CENPP: variants seen among roughly 807,000 people sequenced by gnomAD.
The protein encoded by CENPP is centromere protein P.
In CENPP, 24 loss-of-function variants were observed where a neutral mutation model predicts 35.6. The ratio of observed to expected loss-of-function variants is 0.67; its 90% CI spans 0.49 to 0.95. CENPP has a LOEUF of 0.95. CENPP is among the 40% of genes least tolerant of loss of function. CENPP has a pLI of 0.00. For synonymous variants in CENPP, 120 were observed against 125.5 expected, an observed-to-expected ratio of 0.96 and a Z score of 0.29; for missense variants, 332 against 345.3, an observed-to-expected ratio of 0.96 and a Z score of 0.31.
intron 5 of CENPP, among the ~76,000 whole-genome samples, chr9:92,447,401 C>T (rs1327659440): frequency 6.6e-6 from 1 of 151,880 alleles, no homozygotes; most frequent in Non-Finnish European, 1.5e-5. Flanking sequence ...AGTTAGATCC[C>T]TCACATGTGT....
intron 5 of CENPP, among the ~76,000 whole-genome samples, chr9:92,567,920 G>A (rs933263804): frequency 6.6e-6 from 1 of 151,938 alleles, no homozygotes; most frequent in Admixed American, 6.6e-5. Flanking sequence ...AAAGGAAAAG[G>A]TAATACAGGA....
chr9:92,598,335 G>A (rs577437267), intron 5 of CENPP, among the ~76,000 whole-genome samples: 1 of 152,338 alleles, frequency 6.6e-6, no homozygotes, highest in South Asian at 2.1e-4. Flanking sequence ...CACAACCCCA[G>A]CACAGTAGTC....
intron 5 of CENPP, among the ~76,000 whole-genome samples, chr9:92,393,402 G>T (rs1016512126): frequency 2.6e-5 from 4 of 152,132 alleles, no homozygotes; most frequent in Non-Finnish European, 4.4e-5. Context: ...TACCTATATT[G>T]TGCTTGATAA....
intron 5 of CENPP, among the ~76,000 whole-genome samples, chr9:92,420,136 A>G (rs1035047668): frequency 6.6e-6 from 1 of 151,964 alleles, no homozygotes; most frequent in East Asian, 1.9e-4. Flanking sequence ...TGTCTTTTCT[A>G]TTACTGGAAC....
At chr9:92,596,837 A>T (rs1850796958) in intron 5 of CENPP, among the ~76,000 whole-genome samples, 1 of 151,616 alleles carries the variant, frequency 6.6e-6, no homozygotes, top group Non-Finnish European at 1.5e-5. Context: ...AAGTATTTTT[A>T]ATAAAAAATG....
chr9:92,435,723 G>A (rs1588128208), intron 5 of CENPP, among the ~76,000 whole-genome samples: 1 of 152,308 alleles, frequency 6.6e-6, no homozygotes, highest in East Asian at 1.9e-4. Context: ...ATTCATTTGA[G>A]GTGCTGCATG....
chr9:92,478,643 G>A (rs1335031841), intron 5 of CENPP, among the ~76,000 whole-genome samples: 3 of 151,966 alleles, frequency 2.0e-5, no homozygotes, highest in African/African-American at 7.3e-5. Context: ...TGTAGAGATG[G>A]GGTTTCACCA....
At chr9:92,408,614 T>C (rs1296002314) in intron 5 of CENPP, among the ~76,000 whole-genome samples, 1 of 152,204 alleles carries the variant, frequency 6.6e-6, no homozygotes, top group Non-Finnish European at 1.5e-5. Context: ...CCTCAGCCTC[T>C]GCACTACTGA....
At chr9:92,407,600 T>A (rs570374800) in intron 5 of CENPP, among the ~76,000 whole-genome samples, 1 of 152,092 alleles carries the variant, frequency 6.6e-6, no homozygotes, top group Admixed American at 6.5e-5. Flanking sequence ...GATGAAAGAG[T>A]CTTCTTTGTG....
At chr9:92,610,030 C>T (rs1369086107) in intron 5 of CENPP, among the ~76,000 whole-genome samples, 4 of 152,028 alleles carry the variant, frequency 2.6e-5, no homozygotes, top group African/African-American at 7.2e-5. Flanking sequence ...AGCCACCCAC[C>T]GCACCCAGCC....
At chr9:92,513,702 C>G (rs1344274650) in intron 5 of CENPP, among the ~76,000 whole-genome samples, 2 of 152,136 alleles carry the variant, frequency 1.3e-5, no homozygotes, top group East Asian at 3.8e-4. Context: ...TATGATTCCA[C>G]TTATGTGACA....
intron 5 of CENPP, among the ~76,000 whole-genome samples, chr9:92,545,629 C>T (rs572496840): frequency 1.3e-4 from 20 of 152,334 alleles, no homozygotes; most frequent in Admixed American, 9.8e-4. Context: ...CTGAGGAGTG[C>T]GGGCACAGGG....
chr9:92,575,127 C>T (rs916467169), intron 5 of CENPP, among the ~76,000 whole-genome samples: 1 of 152,158 alleles, frequency 6.6e-6, no homozygotes, highest in African/African-American at 2.4e-5. Flanking sequence ...ACAGGAAAAG[C>T]TTCACTACAT....
chr9:92,425,800 T>G (rs1843950065), intron 5 of CENPP, among the ~76,000 whole-genome samples: 1 of 152,226 alleles, frequency 6.6e-6, no homozygotes, highest in South Asian at 2.1e-4. Context: ...TTGTTACTGA[T>G]CTTTTCCATA....
chr9:92,332,412 T>TATGCAATTA, intron 2 of CENPP, 61 bp downstream of exon 2: 1 of 1,125,970 alleles, frequency 8.9e-7, no homozygotes, highest in South Asian at 1.9e-5. Flanking sequence ...GCATAAGAAA[T>TATGCAATTA]TGGTTGTCAT....
chr9:92,368,985 A>G (rs1437716525), intron 4 of CENPP, among the ~76,000 whole-genome samples: 1 of 152,230 alleles, frequency 6.6e-6, no homozygotes, highest in Non-Finnish European at 1.5e-5. Context: ...TCCAGGTTAC[A>G]GTGAGTTACG....
At chr9:92,399,736 A>T (rs1404589016) in intron 5 of CENPP, among the ~76,000 whole-genome samples, 1 of 152,190 alleles carries the variant, frequency 6.6e-6, no homozygotes, top group East Asian at 1.9e-4. Flanking sequence ...TGTTTCTCCC[A>T]GCACCATTTT....
At chr9:92,506,482 C>T (rs1322113402) in intron 5 of CENPP, among the ~76,000 whole-genome samples, 1 of 152,132 alleles carries the variant, frequency 6.6e-6, no homozygotes, top group Non-Finnish European at 1.5e-5. Context: ...AATGATAATA[C>T]CCAAAGGCAT....
chr9:92,599,441 G>A (rs1196801338), intron 5 of CENPP, among the ~76,000 whole-genome samples: 1 of 152,090 alleles, frequency 6.6e-6, no homozygotes, highest in African/African-American at 2.4e-5. Flanking sequence ...GTTTGAGACA[G>A]AGTATCCCTC....
Sources: gnomAD v4.1 joint callset for allele counts (sites outside exome capture counted in the v4.1 genomes callset) on GRCh38, gnomAD v4.1.1 for gene constraint, MANE v1.5 for transcripts, NCBI Gene and HGNC (gene_info 2026-07-23, HGNC 2026-07-21) for gene names.